EYS: variants seen among roughly 807,000 people sequenced by gnomAD.
The protein encoded by EYS is protein eyes shut homolog.
Under a neutral mutation model 282.1 loss-of-function variants are expected in EYS, and 250 were observed. The ratio of observed to expected loss-of-function variants is 0.89; its 90% CI spans 0.80 to 0.98. EYS has a LOEUF of 0.98. Among genes scored for constraint, EYS ranks in the 50% least tolerant of loss-of-function variants. EYS has a pLI of 0.00. For synonymous variants in EYS, 1,355 were observed against 1,282.9 expected (o/e 1.06, Z -1.20); for missense variants, 4,016 against 3,709.0 (o/e 1.08, Z -2.15).
rs144422109 is a variant in EYS, at chr6:65,132,888, C to T, written c.2024-75161G>A. Among the ~76,000 whole-genome samples the T allele has an allele frequency of 7.9e-3, 1,200 of 151,862 alleles. 14 individuals carry two copies. Among genetic ancestry groups the T allele is most frequent in the African/African-American group, 0.027 (1,103 of 41,470 alleles). ...GATTTAGGATAAAAAAACCAACGTA[C>T]GAAAATCACTAGCATTCTTACACAC... On this transcript the variant is annotated intron_variant, in intron 12 of 42. Transcript: ENST00000503581.
rs115743918 is a variant in EYS at position 64,398,406 on chromosome 6, G to A, written c.5928-9566C>T. ...TCTTTGAAATATGTTGACTCAGGCT[G>A]CATTGCCCAGCATATGGTCAATTTT... On this transcript the variant is annotated intron_variant, in intron 28 of 42. Transcript: ENST00000503581. 7.4e-3 allele frequency among the ~76,000 whole-genome samples: 1,117 copies of A among 151,970 alleles called. 9 individuals carry two copies. The highest frequency in any genetic ancestry group is 0.026 in the African/African-American group (1,072 of 41,518).
intron 26 of EYS, among the ~76,000 whole-genome samples, chr6:64,547,431 T>G (rs1450557734): frequency 6.6e-6 from 1 of 151,982 alleles, no homozygotes; most frequent in Non-Finnish European, 1.5e-5. Flanking sequence ...CCCACTAGAT[T>G]AGGTAGATAC....
At chr6:65,564,046 C>G (rs1228008772) in intron 2 of EYS, among the ~76,000 whole-genome samples, 2 of 151,996 alleles carry the variant, frequency 1.3e-5, no homozygotes, top group Non-Finnish European at 1.5e-5. Flanking sequence ...ATAAAAATAC[C>G]TAGGAATACA....
chr6:63,909,672 G>A (rs1178410504), intron 35 of EYS, among the ~76,000 whole-genome samples: 1 of 152,168 alleles, frequency 6.6e-6, no homozygotes, highest in Non-Finnish European at 1.5e-5. Context: ...GCAGAGAGCT[G>A]CTTGTTAAAC....
At chr6:64,767,328 A>G (rs767045927) in intron 22 of EYS, among the ~76,000 whole-genome samples, 1 of 152,132 alleles carries the variant, frequency 6.6e-6, no homozygotes, top group Non-Finnish European at 1.5e-5. Flanking sequence ...TATTACTGCT[A>G]ATTATAGTCA....
intron 26 of EYS, among the ~76,000 whole-genome samples, chr6:64,525,144 C>T (rs1001922388): frequency 6.6e-6 from 1 of 151,646 alleles, no homozygotes; most frequent in African/African-American, 2.4e-5. Flanking sequence ...AAAGCAGAAC[C>T]ACTATTGGAT....
intron 34 of EYS, among the ~76,000 whole-genome samples, chr6:63,990,695 G>A (rs1461119056): frequency 6.6e-6 from 1 of 151,666 alleles, no homozygotes; most frequent in Non-Finnish European, 1.5e-5. Context: ...TAAAGAATGA[G>A]GGCATGTGTC....
chr6:65,150,360 G>A (rs1395911767), intron 12 of EYS, among the ~76,000 whole-genome samples: 1 of 151,452 alleles, frequency 6.6e-6, no homozygotes, highest in Non-Finnish European at 1.5e-5. Flanking sequence ...TTATATAAAA[G>A]CACATATTTC....
chr6:65,133,361 C>T (rs997406549), intron 12 of EYS, among the ~76,000 whole-genome samples: 8 of 151,894 alleles, frequency 5.3e-5, no homozygotes, highest in African/African-American at 1.9e-4. Flanking sequence ...TATCATGTTA[C>T]CCAGTTTCAA....
At chr6:64,302,550 A>G (rs1024661441) in intron 30 of EYS, among the ~76,000 whole-genome samples, 4 of 152,164 alleles carry the variant, frequency 2.6e-5, no homozygotes, top group Non-Finnish European at 5.9e-5. Flanking sequence ...GAAACTGATA[A>G]TGGTCCAGCT....
intron 13 of EYS, among the ~76,000 whole-genome samples, chr6:65,008,449 C>A (rs1294668979): frequency 7.1e-6 from 1 of 141,756 alleles, no homozygotes; most frequent in African/African-American, 2.9e-5. Context: ...GCAGGTGGAA[C>A]AGGACAAATG....
intron 22 of EYS, among the ~76,000 whole-genome samples, chr6:64,711,816 C>G (rs1771223468): frequency 6.6e-6 from 1 of 152,182 alleles, no homozygotes; most frequent in Non-Finnish European, 1.5e-5. Context: ...GTCAGGCCAT[C>G]TCCTCCTCTA....
Position 65,680,086 on chromosome 6 carries a change from T to TCACACACACACA in EYS, c.-448+27037_-448+27048dup, listed in dbSNP as rs10650454. On this transcript the variant is annotated intron_variant, in intron 1 of 42. Coordinates refer to ENST00000503581, the MANE Select transcript of EYS (RefSeq NM_001142800.2). ...ATATATATTATGCGCTCCTAAATTT[T>TCACACACACACA]CACACACACACACACACACACACAC... 2.0e-3 allele frequency among the ~76,000 whole-genome samples: 298 copies of TCACACACACACA among 147,388 alleles called. 1 individual carries two copies. The highest frequency in any genetic ancestry group is 6.2e-3 in the African/African-American group (247 of 40,126).
At chr6:65,178,632 G>C in intron 12 of EYS, among the ~76,000 whole-genome samples, 1 of 151,978 alleles carries the variant, frequency 6.6e-6, no homozygotes, top group Non-Finnish European at 1.5e-5. Context: ...ACACCCCACT[G>C]TCAACATTAG....
At chr6:64,407,285 C>T (rs1773748179) in intron 28 of EYS, among the ~76,000 whole-genome samples, 1 of 147,468 alleles carries the variant, frequency 6.8e-6, no homozygotes, top group Admixed American at 6.8e-5. Context: ...TCATCACACA[C>T]TGGGGCCTGT....
chr6:65,254,497 GATAA>G (rs1767408924), intron 12 of EYS, among the ~76,000 whole-genome samples: 1 of 151,802 alleles, frequency 6.6e-6, no homozygotes, highest in Non-Finnish European at 1.5e-5. Context: ...CATTTTGAAT[GATAA>G]ATAACTTTCT....
At chr6:64,866,579 G>A (rs1766431940) in intron 19 of EYS, among the ~76,000 whole-genome samples, 1 of 151,664 alleles carries the variant, frequency 6.6e-6, no homozygotes, top group Non-Finnish European at 1.5e-5. Context: ...CCTCTAGTTA[G>A]ATATAATTTT....
At chr6:65,560,153 ACTAAG>A (rs1269155764) in intron 2 of EYS, among the ~76,000 whole-genome samples, 1 of 147,850 alleles carries the variant, frequency 6.8e-6, no homozygotes, top group Non-Finnish European at 1.5e-5. Context: ...ATTCATTCAT[ACTAAG>A]CTATGTCAAT....
intron 41 of EYS, among the ~76,000 whole-genome samples, chr6:63,745,873 G>T (rs377023455): frequency 4.6e-5 from 7 of 152,292 alleles, no homozygotes; most frequent in Admixed American, 6.5e-5. Flanking sequence ...TTGTAATCCA[G>T]TAGAATTAGT....
Sources: gnomAD v4.1 joint callset for allele counts (sites outside exome capture counted in the v4.1 genomes callset) on GRCh38, gnomAD v4.1.1 for gene constraint, MANE v1.5 for transcripts, NCBI Gene and HGNC (gene_info 2026-07-23, HGNC 2026-07-21) for gene names.